SPAG9: variants seen among roughly 807,000 people sequenced by gnomAD.
SPAG9 encodes the protein sperm associated antigen 9, also known as C-Jun-amino-terminal kinase-interacting protein 4.
Under a neutral mutation model 166.5 loss-of-function variants are expected in SPAG9, and 35 were observed. The observed-to-expected ratio is 0.21, with a 90% confidence interval of 0.16 to 0.28. The LOEUF (loss-of-function observed/expected upper bound fraction) is 0.28. Among genes scored for constraint, SPAG9 ranks in the 10% least tolerant of loss-of-function variants. The pLI is 1.00. For missense variants in SPAG9, 1,235 were observed against 1,603.3 expected, an observed-to-expected ratio of 0.77 and a Z score of 3.92; for synonymous variants, 534 against 565.5, an observed-to-expected ratio of 0.94 and a Z score of 0.79.
chr17:50,989,559 T>C lies in SPAG9; in HGVS notation c.2813+118A>G, dbSNP rs187362696. 200 of 822,742 alleles carry C rather than the reference T, an allele frequency of 2.4e-4. 2 individuals are homozygous for C. The Middle Eastern group carries it at 2.7e-3, about 11-fold the overall frequency. 51.0% of individuals were successfully genotyped at this position (822,742 alleles called of 1,614,324 possible). ...TGAAATTATCACAAGAATAGGTATCTTTTAATCCACCACAGTGACACTAAT... is the reference window on the plus strand; with the variant it reads ...TGAAATTATCACAAGAATAGGTATCCTTTAATCCACCACAGTGACACTAAT... On this transcript the variant is annotated intron_variant, in intron 21 of 29. Transcript: ENST00000262013.
intron 19 of SPAG9, among the ~76,000 whole-genome samples, chr17:50,993,172 C>T (rs1280216748): frequency 1.3e-5 from 2 of 150,878 alleles, no homozygotes; most frequent in African/African-American, 2.4e-5. Context: ...AACAATTAGC[C>T]GGGCGTGGTG....
chr17:51,060,505 TAAAAAAAAAAA>T (rs35700642), intron 2 of SPAG9, among the ~76,000 whole-genome samples: 5 of 101,490 alleles, frequency 4.9e-5, no homozygotes, highest in Non-Finnish European at 1.1e-4. Flanking sequence ...TTTGTCTTTT[TAAAAAAAAAAA>T]AAAAAAAAAA....
At chr17:50,994,192 A>G (rs1975870647) in intron 18 of SPAG9, among the ~76,000 whole-genome samples, 1 of 152,122 alleles carries the variant, frequency 6.6e-6, no homozygotes. Flanking sequence ...AGTCTTTCCC[A>G]TGCTATTCTC....
At chr17:51,080,462 G>A (rs1258418431) in intron 1 of SPAG9, among the ~76,000 whole-genome samples, 2 of 151,966 alleles carry the variant, frequency 1.3e-5, no homozygotes, top group Non-Finnish European at 2.9e-5. Flanking sequence ...TAGTGATCGC[G>A]TCCAGTTTCA....
chr17:50,981,827 C>T (rs1357070127), intron 25 of SPAG9, among the ~76,000 whole-genome samples: 3 of 151,270 alleles, frequency 2.0e-5, no homozygotes, highest in Non-Finnish European at 4.4e-5. Flanking sequence ...GTTGGGAGTT[C>T]GAGACCAGCC....
chr17:51,116,576 G>A (rs760875576), intron 1 of SPAG9, among the ~76,000 whole-genome samples: 9 of 152,192 alleles, frequency 5.9e-5, no homozygotes, highest in East Asian at 3.9e-4. Context: ...AGACCAGACT[G>A]GGCAACACAG....
At chr17:51,060,758 A>G (rs2047487193) in intron 2 of SPAG9, among the ~76,000 whole-genome samples, 1 of 152,016 alleles carries the variant, frequency 6.6e-6, no homozygotes, top group South Asian at 2.1e-4. Flanking sequence ...AATTTCTGCT[A>G]TTGAAGCCAC....
chr17:51,000,568 T>C (rs1220031504), intron 13 of SPAG9, among the ~76,000 whole-genome samples: 2 of 151,972 alleles, frequency 1.3e-5, no homozygotes, highest in South Asian at 2.1e-4. Context: ...ACCCTGTCTC[T>C]ACTAAAAAAT....
intron 9 of SPAG9, among the ~76,000 whole-genome samples, chr17:51,010,227 A>G (rs889779945): frequency 1.3e-5 from 2 of 152,160 alleles, no homozygotes; most frequent in African/African-American, 4.8e-5. Context: ...CCAAAGGTAC[A>G]TTGCTCTCTT....
At chr17:50,998,682 A>C in intron 14 of SPAG9, 65 bp from the exon 15 acceptor site, 4 of 1,483,760 alleles carry the variant, frequency 2.7e-6, no homozygotes, top group Non-Finnish European at 3.7e-6. Context: ...ATTTTCCACA[A>C]ACTTTAATGT....
intron 2 of SPAG9, among the ~76,000 whole-genome samples, chr17:51,068,244 C>G (rs1442127572): frequency 6.6e-6 from 1 of 152,144 alleles, no homozygotes; most frequent in Non-Finnish European, 1.5e-5. Flanking sequence ...AAATCTCAGA[C>G]AACCACATCA....
chr17:51,004,411 G>T (rs756319653), intron 12 of SPAG9, among the ~76,000 whole-genome samples: 22 of 152,124 alleles, frequency 1.4e-4, no homozygotes, highest in Non-Finnish European at 2.6e-4. Flanking sequence ...CATATCTTTG[G>T]TCTGACCTTT....
intron 29 of SPAG9, among the ~76,000 whole-genome samples, chr17:50,968,482 G>A (rs769765415): frequency 5.3e-5 from 8 of 152,274 alleles, no homozygotes; most frequent in Middle Eastern, 3.4e-3. Context: ...TGTAATCCCA[G>A]CACTTTGGGA....
At chr17:51,079,500 A>T (rs1438120968) in intron 2 of SPAG9, 84 bp downstream of exon 2, 2 of 1,359,872 alleles carry the variant, frequency 1.5e-6, no homozygotes, top group South Asian at 2.7e-5. Context: ...CGGCCTCCCA[A>T]AGTGCTGGGA....
chr17:51,109,263 G>C (rs1339223873), intron 1 of SPAG9, among the ~76,000 whole-genome samples: 1 of 150,668 alleles, frequency 6.6e-6, no homozygotes, highest in Non-Finnish European at 1.5e-5. Flanking sequence ...TTGAGATGGA[G>C]TCTTGCTCTG....
At chr17:51,091,837 C>A (rs2048474506) in intron 1 of SPAG9, among the ~76,000 whole-genome samples, 2 of 151,086 alleles carry the variant, frequency 1.3e-5, no homozygotes, top group Non-Finnish European at 2.9e-5. Context: ...AATCAGTGGA[C>A]AATACAGACT....
chr17:51,054,257 A>C (rs2047293728), intron 3 of SPAG9, among the ~76,000 whole-genome samples: 1 of 149,122 alleles, frequency 6.7e-6, no homozygotes, highest in African/African-American at 2.5e-5. Flanking sequence ...GCTGGGACTA[A>C]AGGTGCAGGC....
chr17:51,095,945 TTATA>T (rs200548048), intron 1 of SPAG9, among the ~76,000 whole-genome samples: 2 of 110,098 alleles, frequency 1.8e-5, no homozygotes, highest in Non-Finnish European at 3.5e-5. Flanking sequence ...AGTGATATAG[TTATA>T]TATATAGTGA....
At position 51,039,595 on chromosome 17, in the gene SPAG9, T is replaced by G. The variant is rs2046751843; in HGVS notation, c.741+1906A>C. On this transcript the variant is annotated intron_variant, in intron 5 of 29. Transcript: ENST00000262013. ...GAAACTCTCTGGTGAGTACCTGCCT[T>G]ATACTAAGGCAAGTCCTCCTCTAGG... Among the ~76,000 whole-genome samples, 4 of 152,170 alleles carry G rather than the reference T, an allele frequency of 2.6e-5. No homozygotes were observed. In the South Asian group the frequency reaches 8.3e-4, roughly 32 times the overall value.
Sources: allele counts gnomAD v4.1 joint callset (sites outside exome capture counted in the v4.1 genomes callset), GRCh38; gene constraint gnomAD v4.1.1; transcripts MANE v1.5; gene names NCBI Gene and HGNC (gene_info 2026-07-23, HGNC 2026-07-21).